The following SYNPO2 variants were observed in gnomAD, a reference collection of about 807,000 sequenced individuals.
SYNPO2 encodes the protein synaptopodin-2.
A neutral mutation model predicts 85.0 loss-of-function variants in SYNPO2; 56 were observed. The ratio of observed to expected loss-of-function variants is 0.66; its 90% CI spans 0.53 to 0.82. The LOEUF (loss-of-function observed/expected upper bound fraction) is 0.82. SYNPO2 is among the 40% of genes least tolerant of loss of function. The pLI is 0.00. For synonymous variants in SYNPO2, 602 were observed against 591.1 expected, an observed-to-expected ratio of 1.02 and a Z score of -0.27; for missense variants, 1,575 against 1,534.2, an observed-to-expected ratio of 1.03 and a Z score of -0.44.
At chr4:118,896,084 T>C (rs1732542206) in intron 1 of SYNPO2, among the ~76,000 whole-genome samples, 1 of 152,188 alleles carries the variant, frequency 6.6e-6, no homozygotes, top group Non-Finnish European at 1.5e-5. Flanking sequence ...AATATAATTC[T>C]TTCCCTCTGT....
chr4:118,984,828 T>A (rs1267972010), intron 1 of SYNPO2, among the ~76,000 whole-genome samples: 2 of 152,234 alleles, frequency 1.3e-5, no homozygotes, highest in African/African-American at 4.8e-5. Flanking sequence ...CTTGGTTCAA[T>A]GCATTTCACA....
intron 1 of SYNPO2, among the ~76,000 whole-genome samples, chr4:118,938,620 C>A (rs2149136369): frequency 6.6e-6 from 1 of 152,302 alleles, no homozygotes; most frequent in South Asian, 2.1e-4. Context: ...CTGGTAGCTT[C>A]CCTGTGGTTT....
At chr4:118,933,358 G>T (rs1449882181) in intron 1 of SYNPO2, among the ~76,000 whole-genome samples, 3 of 152,302 alleles carry the variant, frequency 2.0e-5, no homozygotes, top group South Asian at 4.1e-4. Flanking sequence ...CTGACCAGAG[G>T]CTACTGATGT....
intron 1 of SYNPO2, among the ~76,000 whole-genome samples, chr4:118,948,805 G>A (rs1560899706): frequency 6.6e-6 from 1 of 152,142 alleles, no homozygotes; most frequent in Non-Finnish European, 1.5e-5. Flanking sequence ...CTCCCACTAG[G>A]CCCCACCTCC....
At position 119,030,983 on chromosome 4, in the gene SYNPO2, C is replaced by G. The variant is rs141598717; in HGVS notation, c.2208C>G (p.Leu736=). ...ATTCCGGACCGGAAGAAGACTACCT[C>G]AGCTTGGGGGCAGAGGCTTGTAATT... ...GGDSGPEEDY[L]SLGAEACNFM... Residue 736 remains leucine (L), a synonymous_variant, in exon 4 of 5, where the codon CTC becomes CTG. Coordinates refer to ENST00000307142, the MANE Select transcript of SYNPO2 (RefSeq NM_133477.3). 3.7e-6 allele frequency: 6 copies of G among 1,614,042 alleles called. No homozygotes were observed. The African/African-American group carries it at 8.0e-5, about 22-fold the overall frequency.
At position 119,058,090 on chromosome 4, in the gene SYNPO2, G is replaced by A. The variant is rs1739274692; in HGVS notation, c.*156G>A. On this transcript the variant is annotated 3_prime_UTR_variant, in exon 5 of 5. Coordinates refer to ENST00000307142, the MANE Select transcript of SYNPO2 (RefSeq NM_133477.3). ...AGTTTGTGTTTCTGTGTGTGTGTGT[G>A]TGTGTGTATGTATGTGAATATACAC... 1.5e-6 allele frequency: 1 copy of A among 664,550 alleles called. No homozygotes were observed. Among genetic ancestry groups the A allele is most frequent in the South Asian group, 2.0e-5 (1 of 49,604 alleles). The allele number at this position is 664,550 out of a possible 1,614,324, so 41.2% of individuals were successfully genotyped here.
intron 1 of SYNPO2, among the ~76,000 whole-genome samples, chr4:118,871,640 C>T (rs138195027): frequency 8.6e-4 from 130 of 151,150 alleles, no homozygotes; most frequent in African/African-American, 3.0e-3. Flanking sequence ...ACAATCTCAG[C>T]TTACTGCAAG....
intron 1 of SYNPO2, among the ~76,000 whole-genome samples, chr4:118,890,145 A>G (rs943747302): frequency 7.2e-5 from 10 of 138,682 alleles, no homozygotes; most frequent in Middle Eastern, 7.5e-3. Flanking sequence ...TTTTGTAGTT[A>G]TTGTTTCCCT....
intron 1 of SYNPO2, among the ~76,000 whole-genome samples, chr4:118,968,450 C>T (rs772719032): frequency 1.2e-4 from 18 of 152,314 alleles, no homozygotes; most frequent in South Asian, 4.1e-4. Context: ...TCCTGAGCTC[C>T]AGTCCACTCT....
At chr4:118,954,706 T>C (rs1734812566) in intron 1 of SYNPO2, among the ~76,000 whole-genome samples, 2 of 152,212 alleles carry the variant, frequency 1.3e-5, no homozygotes, top group South Asian at 4.1e-4. Flanking sequence ...CATTGTCTAA[T>C]ATGGTTTTAT....
intron 1 of SYNPO2, among the ~76,000 whole-genome samples, chr4:118,931,273 G>C (rs1416469611): frequency 6.6e-6 from 1 of 151,776 alleles, no homozygotes; most frequent in Non-Finnish European, 1.5e-5. Context: ...CACATTCACA[G>C]AGCTATAAGT....
chr4:118,890,727 CTCTCTCTGTGTG>C lies in SYNPO2; in HGVS notation c.105+1588_105+1599del, dbSNP rs1397842578. 1.9e-3 allele frequency among the ~76,000 whole-genome samples: 273 copies of C among 146,466 alleles called. 1 individual carries two copies. Among genetic ancestry groups the C allele is most frequent in the African/African-American group, 6.0e-3 (237 of 39,550 alleles). On this transcript the variant is annotated intron_variant, in intron 1 of 4. Transcript: ENST00000307142. ...TCTCTCTCTCTCTCTCTCTCTCTCT[CTCTCTCTGTGTG>C]TGTGTGTGTGTGTGTGTAGGGAGAG...
upstream of SYNPO2, among the ~76,000 whole-genome samples, chr4:118,886,323 T>C (rs927354326): frequency 2.6e-5 from 4 of 152,190 alleles, no homozygotes; most frequent in African/African-American, 9.7e-5. Context: ...TGTGCCATGG[T>C]TGTTTGCTGC....
chr4:118,879,131 G>A (rs1169335174), intron 1 of SYNPO2, among the ~76,000 whole-genome samples: 1 of 152,122 alleles, frequency 6.6e-6, no homozygotes, highest in African/African-American at 2.4e-5. Context: ...TCGCCAGAAG[G>A]AAGAAACTCC....
At chr4:118,900,699 C>CTATATATATA (rs1339820717) in intron 1 of SYNPO2, among the ~76,000 whole-genome samples, 67 of 29,370 alleles carry the variant, frequency 2.3e-3, no homozygotes, top group Non-Finnish European at 4.1e-3. Context: ...CTCTCTCTCT[C>CTATATATATA]TCTCTATATA....
chr4:118,889,732 A>G (rs1578521494), intron 1 of SYNPO2, among the ~76,000 whole-genome samples: 1 of 152,226 alleles, frequency 6.6e-6, no homozygotes, highest in East Asian at 1.9e-4. Flanking sequence ...ATTCCTTCTT[A>G]TGTACTCTTT....
At chr4:118,961,096 A>ACCTCC (rs1436032380) in intron 1 of SYNPO2, among the ~76,000 whole-genome samples, 1 of 36,470 alleles carries the variant, frequency 2.7e-5, no homozygotes, top group Non-Finnish European at 5.5e-5. Flanking sequence ...GGGCTATTTT[A>ACCTCC]CCGCCCCCCC....
chr4:119,033,757 A>G, intron 4 of SYNPO2: 3 of 985,132 alleles, frequency 3.0e-6, no homozygotes, highest in Non-Finnish European at 3.6e-6. Context: ...ATATTTTAAA[A>G]AAATCTTCCT....
intron 3 of SYNPO2, 121 bp downstream of exon 3, chr4:119,027,559 T>G: frequency 1.0e-6 from 1 of 962,998 alleles, no homozygotes; most frequent in Non-Finnish European, 1.5e-6. Flanking sequence ...AAAGAAATAT[T>G]TAATTAATGC....
Sources: allele counts gnomAD v4.1 joint callset (sites outside exome capture counted in the v4.1 genomes callset), GRCh38; gene constraint gnomAD v4.1.1; transcripts MANE v1.5; gene names NCBI Gene and HGNC (gene_info 2026-07-23, HGNC 2026-07-21).